The following NFASC variants were observed in gnomAD, a reference collection of about 807,000 sequenced individuals.
The protein encoded by NFASC is neurofascin.
In NFASC, 43 loss-of-function variants were observed where a neutral mutation model predicts 147.5. That is an observed-to-expected ratio of 0.29 (90% CI 0.23 to 0.38). The LOEUF (loss-of-function observed/expected upper bound fraction) is 0.38. NFASC is among the 10% of genes least tolerant of loss of function. NFASC has a pLI of 1.00. For synonymous variants in NFASC, 622 were observed against 665.5 expected, an observed-to-expected ratio of 0.93 and a Z score of 1.01; for missense variants, 1,320 against 1,689.0, an observed-to-expected ratio of 0.78 and a Z score of 3.83.
At chr1:204,895,345 C>T (rs2083190671) in intron 1 of NFASC, among the ~76,000 whole-genome samples, 1 of 152,238 alleles carries the variant, frequency 6.6e-6, no homozygotes, top group Non-Finnish European at 1.5e-5. Context: ...CTGCCAGCCC[C>T]TTCCCACTAC....
chr1:204,851,927 G>T (rs750005379), intron 1 of NFASC, among the ~76,000 whole-genome samples: 19 of 152,164 alleles, frequency 1.2e-4, no homozygotes, highest in Non-Finnish European at 1.6e-4. Context: ...TTGATGCTCT[G>T]GAATTCTAAG....
rs138199952 is a variant in NFASC at position 204,946,530 on chromosome 1, C to A, written c.91+2124C>A. ...GTTGCTGCAGGTCCAGTGGCCCTGG[C>A]AACGTGTCCAAAAAGAGTCTGCAGA... On this transcript the variant is annotated intron_variant, in intron 3 of 29. Transcript: ENST00000339876. The A allele has an allele frequency of 7.4e-4, 307 of 416,222 alleles. 2 individuals are homozygous for A. The highest frequency in any genetic ancestry group is 5.8e-3 in the African/African-American group (286 of 49,300). 25.8% of individuals were successfully genotyped at this position (416,222 alleles called of 1,614,324 possible). A position where few individuals can be genotyped will look rare whatever the true frequency, so the allele number is the denominator to read the frequency against.
intron 29 of NFASC, among the ~76,000 whole-genome samples, chr1:205,014,837 G>A (rs910891906): frequency 6.6e-6 from 1 of 152,260 alleles, no homozygotes; most frequent in African/African-American, 2.4e-5. Context: ...GGGATAGAGG[G>A]CCCTGGAAAG....
Position 205,019,220 on chromosome 1 carries a change from T to C in NFASC, c.*2681T>C, listed in dbSNP as rs983725176. Reference sequence around the variant, plus strand: ...GAGGGTGCATTTTCCATGGAGCCCATGTCAGAGTCCACTCCAGCTCAGCAG... The same window carrying C: ...GAGGGTGCATTTTCCATGGAGCCCACGTCAGAGTCCACTCCAGCTCAGCAG... On this transcript the variant is annotated 3_prime_UTR_variant, in exon 30 of 30. Coordinates refer to ENST00000339876, the MANE Select transcript of NFASC (RefSeq NM_001005388.3). 3.9e-5 allele frequency: 6 copies of C among 152,294 alleles called. No homozygotes were observed. Among genetic ancestry groups the C allele is most frequent in the Non-Finnish European group, 7.3e-5 (5 of 68,098 alleles). 9.4% of individuals were successfully genotyped at this position (152,294 alleles called of 1,614,324 possible).
intron 1 of NFASC, among the ~76,000 whole-genome samples, chr1:204,857,460 C>T (rs1424824388): frequency 1.4e-5 from 2 of 143,862 alleles, no homozygotes; most frequent in Admixed American, 7.0e-5. Flanking sequence ...TCCTGCACGG[C>T]GTGCCCCTGC....
In NFASC at chr1:204,945,690, C is replaced by CAGGG. The variant is rs577744353; in HGVS notation, c.91+1300_91+1303dup. On this transcript the variant is annotated intron_variant, in intron 3 of 29. Coordinates refer to ENST00000339876, the MANE Select transcript of NFASC (RefSeq NM_001005388.3). Reference sequence around the variant, plus strand: ...ATGCCCACACACGTGTGCATGTGCACAGGGAGGGAGGGAGGGAGGAGAGGA... The same window carrying CAGGG: ...ATGCCCACACACGTGTGCATGTGCACAGGGAGGGAGGGAGGGAGGGAGGAGAGGA... Among the ~76,000 whole-genome samples the CAGGG allele has an allele frequency of 1.7e-4, 26 of 152,066 alleles. No homozygotes were observed. The East Asian group carries it at 5.0e-3, about 29-fold the overall frequency.
At chr1:204,872,295 A>T (rs572122655) in intron 1 of NFASC, among the ~76,000 whole-genome samples, 1 of 152,318 alleles carries the variant, frequency 6.6e-6, no homozygotes, top group African/African-American at 2.4e-5. Flanking sequence ...CCGCAGGGTG[A>T]TGAGGAGGCT....
chr1:204,905,551 G>T (rs1454651091), intron 1 of NFASC, among the ~76,000 whole-genome samples: 1 of 151,946 alleles, frequency 6.6e-6, no homozygotes, highest in Non-Finnish European at 1.5e-5. Context: ...TTTTTGAGTT[G>T]TAGTAATTAT....
At chr1:204,924,954 CA>C (rs1382825606) in intron 2 of NFASC, among the ~76,000 whole-genome samples, 7 of 152,224 alleles carry the variant, frequency 4.6e-5, no homozygotes, top group African/African-American at 1.7e-4. Context: ...GGGCTCACTG[CA>C]ATCTTCACCT....
At chr1:204,978,113 T>C (rs934288962) in intron 17 of NFASC, among the ~76,000 whole-genome samples, 3 of 151,720 alleles carry the variant, frequency 2.0e-5, no homozygotes, top group African/African-American at 4.8e-5. Context: ...TTGCTTTCTA[T>C]CCATTTACAA....
chr1:204,875,173 A>T (rs1342328074), intron 1 of NFASC, among the ~76,000 whole-genome samples: 1 of 152,156 alleles, frequency 6.6e-6, no homozygotes, highest in Non-Finnish European at 1.5e-5. Context: ...ATGTAGACAC[A>T]TCTGCATTTT....
rs771030872 is a variant in NFASC at position 204,944,309 on chromosome 1, G to A, written c.-7G>A. On this transcript the variant is annotated 5_prime_UTR_variant, in exon 3 of 30. Transcript: ENST00000339876. ...TGGGGAGCAGGGAGCAGGGCCAGGT[G>A]CCGAGGATGGCCAGGCAGCCACCGC... The A allele has an allele frequency of 3.1e-6, 5 of 1,612,832 alleles. No individual in the cohort carries two copies. The African/African-American group carries it at 6.7e-5, about 22-fold the overall frequency.
chr1:204,976,725 G>A lies in NFASC; in HGVS notation c.1761G>A (p.Gln587=). 6.2e-7 allele frequency: 1 copy of A among 1,614,078 alleles called. No individual in the cohort carries two copies. The highest frequency in any genetic ancestry group is 8.5e-7 in the Non-Finnish European group (1 of 1,179,980). Residue 587 remains glutamine, a synonymous_variant, in exon 16 of 30, where the codon CAG becomes CAA. Transcript: ENST00000339876. ...TCTTTGGGGTGGCAGAGCGGGACCAGGGCAGTTACACGTGTGTCGCCAGCA... is the reference window on the plus strand; with the variant it reads ...TCTTTGGGGTGGCAGAGCGGGACCAAGGCAGTTACACGTGTGTCGCCAGCA... ...LTIFGVAERD[Q]GSYTCVASTE... is the part of the protein sequence containing the mutation.
rs1284268296 is a variant in NFASC at position 205,016,628 on chromosome 1, C to T, written c.*89C>T. 1 of 890,068 alleles carries T rather than the reference C, an allele frequency of 1.1e-6. No homozygotes were observed. The allele number at this position is 890,068 out of a possible 1,614,324, so 55.1% of individuals were successfully genotyped here. ...CCACTGCAGACCTACCACGAAGCCA[C>T]CACCACCTTCAGTAACAAGGGTACG... On this transcript the variant is annotated 3_prime_UTR_variant, in exon 30 of 30. Transcript: ENST00000339876. The surrounding 1 kb of genome is among the most constrained non-coding windows in gnomAD (Gnocchi z 5.1).
intron 1 of NFASC, among the ~76,000 whole-genome samples, chr1:204,913,340 G>A (rs1467207772): frequency 2.6e-5 from 4 of 152,094 alleles, no homozygotes; most frequent in Non-Finnish European, 5.9e-5. Flanking sequence ...GAAAAAGTCT[G>A]ATTCTAGAGG....
chr1:205,001,337 C>A, intron 26 of NFASC, 51 bp downstream of exon 26: 1 of 1,189,890 alleles, frequency 8.4e-7, no homozygotes, highest in Non-Finnish European at 1.2e-6. Context: ...TCGGCAGCAG[C>A]GGCGGGTAGT....
intron 12 of NFASC, among the ~76,000 whole-genome samples, chr1:204,973,816 G>T (rs759048215): frequency 6.6e-6 from 1 of 152,142 alleles, no homozygotes; most frequent in Non-Finnish European, 1.5e-5. Flanking sequence ...TGGATCTCAC[G>T]GTGGGAAATG....
chr1:204,977,655 C>T (rs768842696), intron 16 of NFASC, 26 bp from the exon 17 acceptor site: 2 of 1,605,138 alleles, frequency 1.2e-6, no homozygotes, highest in Non-Finnish European at 1.7e-6. Context: ...ACCTGCTAAC[C>T]TGGATAACCC....
intron 1 of NFASC, among the ~76,000 whole-genome samples, chr1:204,849,558 C>T (rs907210326): frequency 1.1e-4 from 17 of 152,126 alleles, no homozygotes; most frequent in African/African-American, 2.9e-4. Context: ...GGTCCAGGGA[C>T]CACACTTGGA....
Sources: gnomAD v4.1 joint callset for allele counts (sites outside exome capture counted in the v4.1 genomes callset) on GRCh38, gnomAD v4.1.1 for gene constraint, Gnocchi (gnomAD v3.1) non-coding constraint, MANE v1.5 for transcripts, NCBI Gene and HGNC (gene_info 2026-07-23, HGNC 2026-07-21) for gene names.